The following ST8SIA6 variants were observed in gnomAD, a reference collection of about 807,000 sequenced individuals.
ST8SIA6 encodes alpha-2,8-sialyltransferase 8F.
A neutral mutation model predicts 33.6 loss-of-function variants in ST8SIA6; 39 were observed. That is an observed-to-expected ratio of 1.16 (90% CI 0.90 to 1.52). The LOEUF is 1.52. Ranked by LOEUF, ST8SIA6 falls within the 40% of genes most tolerant of loss-of-function variation. ST8SIA6 has a pLI of 0.00. For missense variants in ST8SIA6, 441 were observed against 443.8 expected, an observed-to-expected ratio of 0.99 and a Z score of 0.06; for synonymous variants, 172 against 167.2, an observed-to-expected ratio of 1.03 and a Z score of -0.22.
At chr10:17,405,320 A>G (rs1428188467) in intron 2 of ST8SIA6, among the ~76,000 whole-genome samples, 2 of 152,040 alleles carry the variant, frequency 1.3e-5, no homozygotes, top group African/African-American at 4.8e-5. Flanking sequence ...GCAGTGAGCC[A>G]CGATCACACC....
At chr10:17,384,797 T>C (rs1457330308) in intron 3 of ST8SIA6, among the ~76,000 whole-genome samples, 1 of 152,238 alleles carries the variant, frequency 6.6e-6, no homozygotes, top group East Asian at 1.9e-4. Context: ...TACTAATGTA[T>C]GGACTTCCGA....
intron 6 of ST8SIA6, among the ~76,000 whole-genome samples, chr10:17,324,264 T>C (rs145420979): frequency 6.6e-6 from 1 of 152,064 alleles, no homozygotes; most frequent in Non-Finnish European, 1.5e-5. Context: ...TGACAGAAGA[T>C]GAAATAAGCT....
At chr10:17,416,234 C>A (rs1851603471) in intron 2 of ST8SIA6, among the ~76,000 whole-genome samples, 1 of 152,136 alleles carries the variant, frequency 6.6e-6, no homozygotes, top group African/African-American at 2.4e-5. Flanking sequence ...CTCTCCTTTG[C>A]TGGCTTCTGC....
At chr10:17,391,795 A>G (rs1850624074) in intron 2 of ST8SIA6, among the ~76,000 whole-genome samples, 1 of 152,214 alleles carries the variant, frequency 6.6e-6, no homozygotes, top group Non-Finnish European at 1.5e-5. Flanking sequence ...AATGAGCCTC[A>G]GGGACATAGG....
chr10:17,323,119 T>C lies in ST8SIA6; in HGVS notation c.674A>G (p.Asp225Gly). The C allele has an allele frequency of 2.5e-6, 4 of 1,613,876 alleles. No individual in the cohort carries two copies. Among genetic ancestry groups the C allele is most frequent in the Non-Finnish European group, 3.4e-6 (4 of 1,179,872 alleles). The change falls in exon 7 of 8, where the codon GAT becomes GGT. Residue 225 changes from aspartate to glycine, a missense_variant. By Grantham distance (94) the Asp-to-Gly change is moderately conservative. Coordinates refer to ENST00000377602, the MANE Select transcript of ST8SIA6 (RefSeq NM_001004470.3). ...CACAAGATTTGTTTTACTGCCAACA[T>C]CTTTACTAACATCTCCTGTGGTTGG... ...LPPTTGDVSK[D>G]VGSKTNLVTI...
At chr10:17,397,519 G>A (rs1407377808) in intron 2 of ST8SIA6, among the ~76,000 whole-genome samples, 2 of 152,144 alleles carry the variant, frequency 1.3e-5, no homozygotes, top group African/African-American at 4.8e-5. Flanking sequence ...ACAGGCGTGA[G>A]CCACCGCGCC....
intron 5 of ST8SIA6, among the ~76,000 whole-genome samples, chr10:17,328,374 C>A (rs2131581629): frequency 6.6e-6 from 1 of 152,312 alleles, no homozygotes; most frequent in East Asian, 1.9e-4. Context: ...CCTTTTAGGA[C>A]CTGGCCTGCT....
intron 2 of ST8SIA6, among the ~76,000 whole-genome samples, chr10:17,437,972 A>C (rs1852343605): frequency 6.6e-6 from 1 of 151,536 alleles, no homozygotes. Flanking sequence ...TTCGTGATTC[A>C]TCCACCTCAG....
At position 17,320,853 on chromosome 10, in the gene ST8SIA6, T is replaced by C. The variant is rs373708965; in HGVS notation, c.*25A>G. 1.2e-5 allele frequency: 19 copies of C among 1,604,324 alleles called. No individual in the cohort carries two copies. In the African/African-American group the frequency reaches 2.4e-4, roughly 20 times the overall value. On this transcript the variant is annotated 3_prime_UTR_variant, in exon 8 of 8. Transcript: ENST00000377602. Reference sequence around the variant, plus strand: ...AATCACCTACTGCATTATATTAAAATTATTCCCATTTTAAGATACTTTGTT... The same window carrying C: ...AATCACCTACTGCATTATATTAAAACTATTCCCATTTTAAGATACTTTGTT...
chr10:17,427,216 G>A (rs1056923777), intron 2 of ST8SIA6, among the ~76,000 whole-genome samples: 1 of 152,190 alleles, frequency 6.6e-6, no homozygotes, highest in Non-Finnish European at 1.5e-5. Flanking sequence ...AATACCTCCA[G>A]CATTGAGGAA....
intron 3 of ST8SIA6, among the ~76,000 whole-genome samples, chr10:17,360,153 A>G (rs1477894947): frequency 6.6e-6 from 1 of 152,194 alleles, no homozygotes; most frequent in African/African-American, 2.4e-5. Context: ...GCAGGATCCC[A>G]GTCCCTGGTA....
intron 4 of ST8SIA6, among the ~76,000 whole-genome samples, chr10:17,352,442 C>G (rs1241589978): frequency 1.3e-5 from 2 of 152,072 alleles, no homozygotes; most frequent in Non-Finnish European, 2.9e-5. Flanking sequence ...AATGTTAAAA[C>G]ACTGGAGAAA....
intron 5 of ST8SIA6, among the ~76,000 whole-genome samples, chr10:17,330,047 C>T (rs1025855272): frequency 1.3e-5 from 2 of 152,156 alleles, no homozygotes; most frequent in Admixed American, 6.5e-5. Flanking sequence ...CCACGAGCCC[C>T]GTCTATGAAA....
At chr10:17,407,475 T>C (rs922108983) in intron 2 of ST8SIA6, among the ~76,000 whole-genome samples, 6 of 152,298 alleles carry the variant, frequency 3.9e-5, no homozygotes, top group Middle Eastern at 3.4e-3. Flanking sequence ...GATCACCAGT[T>C]ACCTCACTTC....
intron 2 of ST8SIA6, chr10:17,403,626 T>A (rs1333437305): frequency 6.6e-6 from 1 of 152,240 alleles, no homozygotes; most frequent in Non-Finnish European, 1.5e-5. Flanking sequence ...CTAATATACA[T>A]ATCTTTTCTT....
intron 2 of ST8SIA6, among the ~76,000 whole-genome samples, chr10:17,412,111 T>A (rs1172143834): frequency 6.6e-6 from 1 of 152,004 alleles, no homozygotes. Flanking sequence ...CTGAAGAGAT[T>A]TGCCATTCTC....
rs376912583 is a variant in ST8SIA6, at chr10:17,408,750, A to G, written c.201-18130T>C. Among the ~76,000 whole-genome samples the G allele has an allele frequency of 3.9e-5, 6 of 151,922 alleles. No individual in the cohort carries two copies. In the East Asian group the frequency reaches 5.8e-4, roughly 15 times the overall value. On this transcript the variant is annotated intron_variant, in intron 2 of 7. Coordinates refer to ENST00000377602, the MANE Select transcript of ST8SIA6 (RefSeq NM_001004470.3). ...TTTTGAGAGAAGAATTTTATTTTTT[A>G]TTTTTATTTATTTATTTTTTTTGAG...
chr10:17,396,658 TTC>T (rs1391679662), intron 2 of ST8SIA6, among the ~76,000 whole-genome samples: 1 of 152,146 alleles, frequency 6.6e-6, no homozygotes, highest in East Asian at 1.9e-4. Context: ...CCCTTGATTT[TTC>T]TCTCTCCTGA....
At chr10:17,334,177 C>A (rs1848427789) in intron 4 of ST8SIA6, among the ~76,000 whole-genome samples, 1 of 151,976 alleles carries the variant, frequency 6.6e-6, no homozygotes, top group Non-Finnish European at 1.5e-5. Flanking sequence ...TACGAACTTT[C>A]TTCTGATGAT....
Sources: allele counts gnomAD v4.1 joint callset (sites outside exome capture counted in the v4.1 genomes callset), GRCh38; gene constraint gnomAD v4.1.1; transcripts MANE v1.5; gene names NCBI Gene and HGNC (gene_info 2026-07-23, HGNC 2026-07-21).